Variants in CNTN5 observed in about 807,000 individuals in gnomAD.
The protein encoded by CNTN5 is contactin-5.
CNTN5 carries 77 observed loss-of-function variants against 129.1 expected under a neutral mutation model. The observed-to-expected ratio is 0.60, with a 90% CI of 0.50 to 0.72. The LOEUF is 0.72. CNTN5 is among the 30% of genes least tolerant of loss of function. CNTN5 has a pLI of 0.00. For missense variants in CNTN5, 1,478 were observed against 1,328.8 expected, an observed-to-expected ratio of 1.11 and a Z score of -1.75; for synonymous variants, 509 against 465.6, an observed-to-expected ratio of 1.09 and a Z score of -1.20.
chr11:99,961,206 G>GGAAAAAAAAAA (rs1555167360), intron 8 of CNTN5, among the ~76,000 whole-genome samples: 5 of 95,718 alleles, frequency 5.2e-5, no homozygotes, highest in African/African-American at 2.0e-4. Flanking sequence ...CTCCGTCTCA[G>GGAAAAAAAAAA]AAAAAAAAAA....
chr11:99,958,714 A>G lies in CNTN5; in HGVS notation c.877+1705A>G, dbSNP rs140301521. 5.5e-3 allele frequency among the ~76,000 whole-genome samples: 831 copies of G among 152,320 alleles called. 7 individuals carry two copies. Among genetic ancestry groups the G allele is most frequent in the African/African-American group, 0.018 (759 of 41,574 alleles). On this transcript the variant is annotated intron_variant, in intron 8 of 24. Transcript: ENST00000524871. ...ATTAAAAGCTTTGAATTAATTCTCT[A>G]TAAGCTATTTCTCCAAAACTTCTGA...
At chr11:99,909,750 G>A (rs1221998349) in intron 6 of CNTN5, among the ~76,000 whole-genome samples, 2 of 151,132 alleles carry the variant, frequency 1.3e-5, no homozygotes, top group Non-Finnish European at 2.9e-5. Context: ...TCATAGGTGG[G>A]AATTGAACAA....
intron 3 of CNTN5, among the ~76,000 whole-genome samples, chr11:99,628,230 AT>A (rs1483523593): frequency 6.8e-6 from 1 of 146,850 alleles, no homozygotes; most frequent in Middle Eastern, 3.5e-3. Context: ...TAGTAGTAGT[AT>A]TTTTAGGGTA....
intron 13 of CNTN5, among the ~76,000 whole-genome samples, chr11:100,087,518 A>G (rs1944600017): frequency 1.3e-5 from 2 of 151,892 alleles, no homozygotes; most frequent in Non-Finnish European, 2.9e-5. Flanking sequence ...ACACAAGCCA[A>G]TCACCCTCAT....
chr11:99,531,113 C>T lies in CNTN5; in HGVS notation c.-70-25032C>T, dbSNP rs1264456647. Among the ~76,000 whole-genome samples the T allele has an allele frequency of 3.3e-5, 5 of 152,112 alleles. No homozygotes were observed. The East Asian group carries it at 9.6e-4, about 29-fold the overall frequency. ...CTAGAGACTTGTTGAATGGCTTTTC[C>T]CAAAATGCTGATAGGGATATGGACA... is the stretch of plus-strand genomic sequence containing the variant. On this transcript the variant is annotated intron_variant, in intron 2 of 24. Coordinates refer to ENST00000524871, the MANE Select transcript of CNTN5 (RefSeq NM_014361.4).
intron 2 of CNTN5, among the ~76,000 whole-genome samples, chr11:99,451,775 G>C (rs1434880572): frequency 6.6e-6 from 1 of 151,948 alleles, no homozygotes; most frequent in African/African-American, 2.4e-5. Context: ...TCTTTTTATT[G>C]GAACTAAATT....
chr11:99,432,444 T>TCTTTTCTTTC (rs1565577476), intron 2 of CNTN5, among the ~76,000 whole-genome samples: 3 of 139,812 alleles, frequency 2.1e-5, no homozygotes, highest in African/African-American at 7.9e-5. Context: ...TCTTTCCTTT[T>TCTTTTCTTTC]CTTTTCTTTT....
intron 7 of CNTN5, among the ~76,000 whole-genome samples, chr11:99,931,328 G>A (rs1293254312): frequency 9.2e-5 from 14 of 152,118 alleles, no homozygotes. Flanking sequence ...CTTACACATG[G>A]AAAACTAAAC....
intron 9 of CNTN5, among the ~76,000 whole-genome samples, chr11:100,018,052 T>G (rs749431434): frequency 2.0e-5 from 3 of 152,000 alleles, no homozygotes; most frequent in African/African-American, 7.2e-5. Context: ...GACTTAAATG[T>G]GTAGAGAAAA....
chr11:99,123,439 T>A (rs1396844953), intron 1 of CNTN5, among the ~76,000 whole-genome samples: 2 of 152,106 alleles, frequency 1.3e-5, no homozygotes, highest in African/African-American at 4.8e-5. Context: ...TTCTGAATAT[T>A]AGACCTTTGT....
intron 2 of CNTN5, among the ~76,000 whole-genome samples, chr11:99,417,045 C>T (rs747925114): frequency 7.9e-5 from 12 of 152,108 alleles, no homozygotes; most frequent in African/African-American, 9.7e-5. Context: ...GAACAACAAA[C>T]GCAAATTGAC....
At chr11:99,862,689 G>T (rs1042382464) in intron 6 of CNTN5, among the ~76,000 whole-genome samples, 3 of 151,906 alleles carry the variant, frequency 2.0e-5, no homozygotes, top group African/African-American at 7.2e-5. Flanking sequence ...GGTAAACAAT[G>T]ACAGGAAAAA....
In CNTN5 at chr11:100,291,947, A is replaced by G. The variant is rs982329961; in HGVS notation, c.2315-5678A>G. ...CCGCCATTGCTCTCCACTATGCTCA[A>G]TGTGATCCCAAACCTCAGCCTCAAA... On this transcript the variant is annotated intron_variant, in intron 18 of 24. Coordinates refer to ENST00000524871, the MANE Select transcript of CNTN5 (RefSeq NM_014361.4). Among the ~76,000 whole-genome samples the G allele has an allele frequency of 2.0e-4, 30 of 151,998 alleles. 1 individual carries two copies. The highest frequency in any genetic ancestry group is 1.4e-3 in the Admixed American group (21 of 15,258).
At chr11:100,248,500 C>A (rs1949895407) in intron 16 of CNTN5, among the ~76,000 whole-genome samples, 1 of 152,032 alleles carries the variant, frequency 6.6e-6, no homozygotes, top group African/African-American at 2.4e-5. Flanking sequence ...GAGCTAGGAT[C>A]ATGCCACTGC....
intron 6 of CNTN5, among the ~76,000 whole-genome samples, chr11:99,878,716 C>T (rs1948696184): frequency 6.6e-6 from 1 of 151,890 alleles, no homozygotes. Context: ...ATTAGCCGGG[C>T]GTGGTGGCGC....
intron 8 of CNTN5, among the ~76,000 whole-genome samples, chr11:99,976,609 C>G (rs1937990334): frequency 6.6e-6 from 1 of 152,182 alleles, no homozygotes; most frequent in African/African-American, 2.4e-5. Context: ...GGCTTTCACT[C>G]TCTGAAGCAA....
At chr11:100,069,175 C>A (rs941576305) in intron 10 of CNTN5, among the ~76,000 whole-genome samples, 14 of 152,010 alleles carry the variant, frequency 9.2e-5, no homozygotes, top group Admixed American at 8.5e-4. Context: ...TTTTTTGAGA[C>A]AGGTTCTCAC....
chr11:99,282,786 G>T (rs747515842), intron 1 of CNTN5, among the ~76,000 whole-genome samples: 2 of 151,912 alleles, frequency 1.3e-5, no homozygotes, highest in Non-Finnish European at 2.9e-5. Flanking sequence ...CTCAACAAAG[G>T]AAACCCCTAC....
intron 1 of CNTN5, chr11:99,049,454 A>G (rs1591105209): frequency 6.6e-6 from 1 of 152,270 alleles, no homozygotes; most frequent in Non-Finnish European, 1.5e-5. Context: ...GTTACTCCAG[A>G]CATATAACAA....
Sources: gnomAD v4.1 joint callset for allele counts (sites outside exome capture counted in the v4.1 genomes callset) on GRCh38, gnomAD v4.1.1 for gene constraint, MANE v1.5 for transcripts, NCBI Gene and HGNC (gene_info 2026-07-23, HGNC 2026-07-21) for gene names.